Variants in RAI14 observed in about 807,000 individuals in gnomAD.
The protein encoded by RAI14 is retinoic acid induced 14.
Under a neutral mutation model 115.4 loss-of-function variants are expected in RAI14, and 45 were observed. The ratio of observed to expected loss-of-function variants is 0.39; its 90% CI spans 0.31 to 0.50. RAI14 has a LOEUF of 0.50. RAI14 is among the 20% of genes least tolerant of loss of function. The pLI is 0.85. For missense variants in RAI14, 939 were observed against 1,131.2 expected (o/e 0.83, Z 2.44); for synonymous variants, 371 against 415.4 (o/e 0.89, Z 1.30).
At chr5:34,740,266 G>A (rs1033772830) in intron 2 of RAI14, among the ~76,000 whole-genome samples, 1 of 152,124 alleles carries the variant, frequency 6.6e-6, no homozygotes, top group African/African-American at 2.4e-5. Context: ...TCAGTGTGTG[G>A]GGTCAAACTG....
chr5:34,818,990 C>T (rs1369130974), intron 13 of RAI14, 139 bp downstream of exon 13: 1 of 711,360 alleles, frequency 1.4e-6, no homozygotes, highest in Non-Finnish European at 2.3e-6. Flanking sequence ...GCCAGTAATG[C>T]ACAAGCTGAA....
Position 34,818,843 on chromosome 5 carries a change from G to A in RAI14, c.986G>A (p.Ser329Asn), listed in dbSNP as rs371610339. The change falls in exon 13 of 18, where the codon AGT (serine) becomes AAT (asparagine). Residue 329 changes from serine (S) to asparagine (N), a missense_variant. By Grantham distance (46) the Ser-to-Asn change is conservative. Coordinates refer to ENST00000265109, the MANE Select transcript of RAI14 (RefSeq NM_015577.3). ...GAAAACAAAGACAGACTAAGTGACA[G>A]TACTACAGGTAAGACAAGGAAGCAT... ...IRENKDRLSD[S>N]TTGADSLLDI... 6.2e-7 allele frequency: 1 copy of A among 1,606,622 alleles called. No individual in the cohort carries two copies. Among genetic ancestry groups the A allele is most frequent in the Non-Finnish European group, 8.5e-7 (1 of 1,176,498 alleles).
At chr5:34,659,270 T>A (rs1453062097) in intron 1 of RAI14, among the ~76,000 whole-genome samples, 1 of 152,202 alleles carries the variant, frequency 6.6e-6, no homozygotes, top group Non-Finnish European at 1.5e-5. Flanking sequence ...TTCTGGTTTT[T>A]CACTGTTTTT....
At chr5:34,747,982 T>C (rs1746507189) in intron 2 of RAI14, among the ~76,000 whole-genome samples, 1 of 152,042 alleles carries the variant, frequency 6.6e-6, no homozygotes, top group African/African-American at 2.4e-5. Context: ...GAAGAGAGCA[T>C]GGGGGACCCC....
At chr5:34,703,825 G>A (rs115788537) in intron 2 of RAI14, among the ~76,000 whole-genome samples, 5,441 of 152,252 alleles carry the variant, frequency 0.036, 164 homozygotes, top group Non-Finnish European at 0.057. Flanking sequence ...CAGTTACCTT[G>A]TAGGCACTCA....
rs547932201 is a variant in RAI14, at chr5:34,829,633, A to G, written c.2800-99A>G. ...GTGCTAGCATAAAGTGGAGGGGACC[A>G]CTTGGGTAGCATTTGGCTGCAGCTT... On this transcript the variant is annotated intron_variant, in intron 16 of 17. Transcript: ENST00000265109. 6.3e-6 allele frequency: 6 copies of G among 945,170 alleles called. No homozygotes were observed. The South Asian group carries it at 1.0e-4, about 16-fold the overall frequency. The allele number at this position is 945,170 out of a possible 1,614,324, so 58.5% of individuals were successfully genotyped here.
intron 1 of RAI14, among the ~76,000 whole-genome samples, chr5:34,668,880 TAG>T (rs1743414549): frequency 6.6e-6 from 1 of 151,970 alleles, no homozygotes; most frequent in Non-Finnish European, 1.5e-5. Flanking sequence ...TTTCTTGAGA[TAG>T]AGTCTCGCTC....
intron 2 of RAI14, among the ~76,000 whole-genome samples, chr5:34,729,511 A>G (rs1580056077): frequency 6.6e-6 from 1 of 152,216 alleles, no homozygotes; most frequent in African/African-American, 2.4e-5. Flanking sequence ...GCCACCAGAC[A>G]TTTTGTGCTT....
chr5:34,757,645 G>T, intron 3 of RAI14, 47 bp downstream of exon 3: 2 of 1,557,230 alleles, frequency 1.3e-6, no homozygotes. Flanking sequence ...TGGGTTTTTG[G>T]GGTGTTCTCT....
intron 2 of RAI14, among the ~76,000 whole-genome samples, chr5:34,752,156 G>A (rs6866953): frequency 0.41 from 62,732 of 151,948 alleles, 14,077 homozygotes; most frequent in African/African-American, 0.61. Context: ...GAAAGTATTT[G>A]CATGATTAAA....
At chr5:34,746,091 T>TCCCCG (rs1554050142) in intron 2 of RAI14, among the ~76,000 whole-genome samples, 691 of 49,278 alleles carry the variant, frequency 0.014, 16 homozygotes, top group African/African-American at 0.052. Flanking sequence ...CACCACCCCC[T>TCCCCG]CCCCCCCCCG....
In RAI14 at chr5:34,728,999, A is replaced by C. The variant is rs190075159; in HGVS notation, c.37-28469A>C. On this transcript the variant is annotated intron_variant, in intron 2 of 17. Coordinates refer to ENST00000265109, the MANE Select transcript of RAI14 (RefSeq NM_015577.3). Reference sequence around the variant, plus strand: ...TAAAATGTCTGAATTTTGCTTACATAATCTAGGTTTCTACAGGGAATGAGT... The same window carrying C: ...TAAAATGTCTGAATTTTGCTTACATCATCTAGGTTTCTACAGGGAATGAGT... Among the ~76,000 whole-genome samples, 5 of 152,286 alleles carry C rather than the reference A, an allele frequency of 3.3e-5. No individual in the cohort carries two copies. In the East Asian group the frequency reaches 9.7e-4, roughly 29 times the overall value.
chr5:34,745,077 T>C (rs1367470696), intron 2 of RAI14, among the ~76,000 whole-genome samples: 2 of 152,234 alleles, frequency 1.3e-5, no homozygotes, highest in East Asian at 3.8e-4. Flanking sequence ...TGACCTCATC[T>C]TAACTTGATG....
intron 2 of RAI14, among the ~76,000 whole-genome samples, chr5:34,724,810 A>G: frequency 6.6e-6 from 1 of 152,156 alleles, no homozygotes. Flanking sequence ...ATCTAGGACT[A>G]TAGTTGTGGT....
At chr5:34,657,540 G>A (rs1218510405) in intron 1 of RAI14, among the ~76,000 whole-genome samples, 3 of 152,198 alleles carry the variant, frequency 2.0e-5, no homozygotes, top group African/African-American at 7.2e-5. Context: ...TCCCAGAAAT[G>A]TTGAGGGGAA....
At chr5:34,779,322 A>T (rs1751304190) in intron 3 of RAI14, among the ~76,000 whole-genome samples, 1 of 152,192 alleles carries the variant, frequency 6.6e-6, no homozygotes, top group African/African-American at 2.4e-5. Flanking sequence ...CAAGACAGGG[A>T]TGCCCTCTCT....
chr5:34,811,945 G>T lies in RAI14; in HGVS notation c.736G>T (p.Asp246Tyr). ...LLLSKISQDADLKTPTKPKQH... is the reference protein window; with the variant it reads ...LLLSKISQDAYLKTPTKPKQH... ...ATTATCAAAAATCTCTCAGGATGCT[G>T]GTATGTAAAAGAAAATAGCCAATGT... is the stretch of plus-strand genomic sequence containing the variant. The change falls in exon 9 of 18, where the codon GAT (aspartate) becomes TAT (tyrosine). Residue 246 changes from aspartate (D) to tyrosine (Y), a missense_variant and splice_region_variant. Transcript: ENST00000265109. 6.2e-7 allele frequency: 1 copy of T among 1,603,702 alleles called. No individual in the cohort carries two copies. The highest frequency in any genetic ancestry group is 8.5e-7 in the Non-Finnish European group (1 of 1,175,468).
intron 3 of RAI14, among the ~76,000 whole-genome samples, chr5:34,765,225 G>C (rs1387371558): frequency 1.3e-5 from 2 of 152,174 alleles, no homozygotes; most frequent in Non-Finnish European, 2.9e-5. Flanking sequence ...AGTAGAGTGG[G>C]GCATTGCTGA....
intron 1 of RAI14, among the ~76,000 whole-genome samples, chr5:34,658,581 A>G (rs1742456686): frequency 6.6e-6 from 1 of 152,048 alleles, no homozygotes. Context: ...TCATGAGGTC[A>G]GGAGATCGAG....
Sources: allele counts gnomAD v4.1 joint callset (sites outside exome capture counted in the v4.1 genomes callset), GRCh38; gene constraint gnomAD v4.1.1; transcripts MANE v1.5; gene names NCBI Gene and HGNC (gene_info 2026-07-23, HGNC 2026-07-21).